The following PGAM1 variants were observed in gnomAD, a reference collection of about 807,000 sequenced individuals.
The protein encoded by PGAM1 is phosphoglycerate mutase 1, also known as BPG-dependent PGAM 1.
A neutral mutation model predicts 23.5 loss-of-function variants in PGAM1; 21 were observed. The observed-to-expected ratio is 0.89, with a 90% CI of 0.63 to 1.29. The LOEUF is 1.29. Ranked by LOEUF, PGAM1 falls within the 50% of genes most tolerant of loss-of-function variation. The pLI is 0.00. For synonymous variants in PGAM1, 109 were observed against 128.6 expected (o/e 0.85, Z 1.03); for missense variants, 232 against 336.3 (o/e 0.69, Z 2.42).
chr10:97,430,997 T>C lies in PGAM1; in HGVS notation c.457T>C (p.Cys153Arg), dbSNP rs752304415. 1.2e-6 allele frequency: 2 copies of C among 1,613,982 alleles called. No individual in the cohort carries two copies. Among genetic ancestry groups the C allele is most frequent in the Admixed American group, 1.7e-5 (1 of 60,014 alleles). The change falls in exon 3 of 4, where the codon TGT becomes CGT. Residue 153 changes from cysteine (C) to arginine (R), a missense_variant. Cys to Arg is a radical substitution (Grantham distance 180). Transcript: ENST00000334828. ...CCTCACAGAAGATCAGCTACCCTCC[T>C]GTGAGAGTCTGAAGGATACTATTGC... ...ADLTEDQLPS[C>R]ESLKDTIARA...
chr10:97,426,570 G>A lies in PGAM1; in HGVS notation c.139+124G>A, dbSNP rs908026585. ...GGGCAGCATCTCTCTTAACAGTTTA[G>A]TGTGTAGTTGAGAAGATGAGTGCAG... On this transcript the variant is annotated intron_variant, in intron 1 of 3. Transcript: ENST00000334828. The A allele has an allele frequency of 1.0e-5, 13 of 1,247,206 alleles. No individual in the cohort carries two copies. In the African/African-American group the frequency reaches 1.7e-4, roughly 16 times the overall value. The allele number at this position is 1,247,206 out of a possible 1,614,324, so 77.3% of individuals were successfully genotyped here.
intron 3 of PGAM1, among the ~76,000 whole-genome samples, chr10:97,431,577 T>G (rs11593125): frequency 1.3e-5 from 2 of 151,972 alleles, no homozygotes; most frequent in Non-Finnish European, 2.9e-5. Context: ...GCCAGGAGTT[T>G]GAGACAGCCT....
At chr10:97,427,667 C>T in intron 1 of PGAM1, 1 of 1,198,580 alleles carries the variant, frequency 8.3e-7, no homozygotes, top group South Asian at 1.5e-5. Flanking sequence ...GCTCCCGCCC[C>T]AGTCTGCTCT....
In PGAM1 at chr10:97,429,178, A is replaced by T. The variant is rs920672540; in HGVS notation, c.140-1201A>T. On this transcript the variant is annotated intron_variant, in intron 1 of 3. Transcript: ENST00000334828. ...GAGTGCAGTGGCGCGATCTCAGCTC[A>T]CTGCAAGCTCCGCCTCCCGGATTCA... is the stretch of plus-strand genomic sequence containing the variant. Among the ~76,000 whole-genome samples, 3 of 135,266 alleles carry T rather than the reference A, an allele frequency of 2.2e-5. No individual in the cohort carries two copies. The South Asian group carries it at 6.6e-4, about 30-fold the overall frequency. 88.7% of individuals were successfully genotyped at this position (135,266 alleles called of 152,430 possible).
rs1186267124 is a variant in PGAM1, at chr10:97,433,244, GGTGT to G, written c.*725_*728del. ...CCTCTGAGGGGCAGGAGTGCTTCCT[GGTGT>G]GTGTATTAGAATCCCTTCCTGCCTT... On this transcript the variant is annotated 3_prime_UTR_variant, in exon 4 of 4. Transcript: ENST00000334828. The G allele has an allele frequency of 1.3e-5, 2 of 150,968 alleles. No homozygotes were observed. The highest frequency in any genetic ancestry group is 2.4e-5 in the African/African-American group (1 of 40,886). The allele number at this position is 150,968 out of a possible 1,614,324, so 9.4% of individuals were successfully genotyped here. A position where few individuals can be genotyped will look rare whatever the true frequency, so the allele number is the denominator to read the frequency against.
intron 3 of PGAM1, 149 bp downstream of exon 3, chr10:97,431,284 C>T (rs975943074): frequency 1.0e-6 from 1 of 954,980 alleles, no homozygotes; most frequent in Middle Eastern, 3.0e-4. Context: ...AAAAAACACC[C>T]TCAACCCTTG....
rs1187368717 is a variant in PGAM1 at position 97,432,992 on chromosome 10, C to T, written c.*468C>T. On this transcript the variant is annotated 3_prime_UTR_variant, in exon 4 of 4. Transcript: ENST00000334828. ...TCCAGTGGAAGACGAATGTAACCTG[C>T]GTGGTGATGTGACAACTGTTTCCTC... The T allele has an allele frequency of 1.0e-3, 169 of 164,000 alleles. 1 individual carries two copies. Among genetic ancestry groups the T allele is most frequent in the Non-Finnish European group, 3.8e-4 (29 of 76,628 alleles). The allele number at this position is 164,000 out of a possible 1,614,324, so 10.2% of individuals were successfully genotyped here.
rs1233731324 is a variant in PGAM1 at position 97,430,571 on chromosome 10, AG to A, written c.334del (p.Val112Ter). On this transcript the variant is annotated frameshift_variant, in exon 2 of 4. Transcript: ENST00000334828. LOFTEE classifies it high-confidence loss of function. ...ACTGCTGCAAAGCATGGTGAGGCCC[AG>A]GTGAAGATCTGGAGGCGCTCCTATG... is the stretch of plus-strand genomic sequence containing the variant. Reference protein sequence around the residue: ...AETAAKHGEAQVKIWRRSYDV... With the variant: ...AETAAKHGEAXVKIWRRSYDV... 2 of 1,601,210 alleles carry A rather than the reference AG, an allele frequency of 1.2e-6. No individual in the cohort carries two copies. Among genetic ancestry groups the A allele is most frequent in the African/African-American group, 1.3e-5 (1 of 74,930 alleles).
At position 97,433,175 on chromosome 10, in the gene PGAM1, G is replaced by A. The variant is rs1845490541; in HGVS notation, c.*651G>A. The A allele has an allele frequency of 6.6e-6, 1 of 151,788 alleles. No individual in the cohort carries two copies. Among genetic ancestry groups the A allele is most frequent in the African/African-American group, 2.4e-5 (1 of 40,990 alleles). The allele number at this position is 151,788 out of a possible 1,614,324, so 9.4% of individuals were successfully genotyped here. On this transcript the variant is annotated 3_prime_UTR_variant, in exon 4 of 4. Transcript: ENST00000334828. The stretch of plus-strand genomic sequence containing the variant: ...GAAATAGTCCCACATGTGGTCATCA[G>A]AAAATAAGCCATTCCTCATACCAAT...
At chr10:97,428,334 T>C (rs1845433421) in intron 1 of PGAM1, among the ~76,000 whole-genome samples, 1 of 152,296 alleles carries the variant, frequency 6.6e-6, no homozygotes, top group Non-Finnish European at 1.5e-5. Context: ...TTGAATCTGA[T>C]TTCTGGAGAA....
chr10:97,426,539 C>T (rs1419819266), intron 1 of PGAM1, 93 bp downstream of exon 1: 8 of 1,406,492 alleles, frequency 5.7e-6, no homozygotes, highest in Non-Finnish European at 7.6e-6. Context: ...AGAGGGCCGG[C>T]ACCTTGGGCA....
rs1028730114 is a variant in PGAM1, at chr10:97,427,924, GTC to G, written c.139+1480_139+1481del. On this transcript the variant is annotated intron_variant, in intron 1 of 3. Transcript: ENST00000334828. Reference sequence around the variant, plus strand: ...CTCAAATGAAGCAAAACGCAGGACAGTCTGGTAAATGTAAACCTCTGCGGGGT... The same window carrying G: ...CTCAAATGAAGCAAAACGCAGGACAGTGGTAAATGTAAACCTCTGCGGGGT... 107 of 1,281,966 alleles carry G rather than the reference GTC, an allele frequency of 8.3e-5. 1 individual carries two copies. The highest frequency in any genetic ancestry group is 1.1e-4 in the Admixed American group (5 of 43,520). The allele number at this position is 1,281,966 out of a possible 1,614,324, so 79.4% of individuals were successfully genotyped here.
intron 1 of PGAM1, among the ~76,000 whole-genome samples, chr10:97,429,045 G>A (rs1318702127): frequency 2.0e-5 from 3 of 151,726 alleles, no homozygotes; most frequent in Non-Finnish European, 4.4e-5. Flanking sequence ...CCATTATGGT[G>A]GGAGGGTGAA....
Position 97,431,034 on chromosome 10 carries a change from C to T in PGAM1, c.494C>T (p.Pro165Leu). 6.2e-7 allele frequency: 1 copy of T among 1,613,968 alleles called. No individual in the cohort carries two copies. Among genetic ancestry groups the T allele is most frequent in the Non-Finnish European group, 8.5e-7 (1 of 1,179,922 alleles). Residue 165 changes from proline to leucine, a missense_variant, in exon 3 of 4, where the codon CCC (proline) becomes CTC (leucine). By Grantham distance (98) the Pro-to-Leu change is moderately conservative. Around this residue, in one of 3 missense-constraint regions of PGAM1, gnomAD observed 191 missense variants for 241.7 expected, o/e 0.79. Coordinates refer to ENST00000334828, the MANE Select transcript of PGAM1 (RefSeq NM_002629.4). ...AAGGATACTATTGCCAGAGCTCTGC[C>T]CTTCTGGAATGAAGAAATAGTTCCC... ...SLKDTIARALPFWNEEIVPQI... is the reference protein window; with the variant it reads ...SLKDTIARALLFWNEEIVPQI...
In PGAM1 at chr10:97,426,288, C is replaced by T. The variant is rs755491865; in HGVS notation, c.-20C>T. 17 of 1,609,786 alleles carry T rather than the reference C, an allele frequency of 1.1e-5. No individual in the cohort carries two copies. Among genetic ancestry groups the T allele is most frequent in the Middle Eastern group, 4.4e-4 (2 of 4,522 alleles). On this transcript the variant is annotated 5_prime_UTR_variant, in exon 1 of 4. Coordinates refer to ENST00000334828, the MANE Select transcript of PGAM1 (RefSeq NM_002629.4). ...GGAATCTGCTAATCCCAGTCGGTGC[C>T]GCATCCCCAGCCCGCCGCCATGGCC...
rs112918675 is a variant in PGAM1, at chr10:97,432,566, G to T, written c.*42G>T. The T allele has an allele frequency of 9.9e-5, 117 of 1,187,604 alleles. 1 individual carries two copies. The highest frequency in any genetic ancestry group is 9.8e-4 in the African/African-American group (65 of 66,280). 73.6% of individuals were successfully genotyped at this position (1,187,604 alleles called of 1,614,324 possible). On this transcript the variant is annotated 3_prime_UTR_variant, in exon 4 of 4. Transcript: ENST00000334828. ...TACTGTCCCCAGGAGCACCCTCCCT[G>T]CCCGTCTTGTCCCTCTGCCCCTCCC... is the stretch of plus-strand genomic sequence containing the variant.
intron 3 of PGAM1, among the ~76,000 whole-genome samples, chr10:97,431,889 TAAAAAAA>T (rs549613576): frequency 2.2e-4 from 31 of 141,752 alleles, no homozygotes; most frequent in African/African-American, 7.7e-4. Context: ...CCTTGTCTCT[TAAAAAAA>T]AAAAAAAGGA....
At chr10:97,426,608 A>T (rs937343090) in intron 1 of PGAM1, among the ~76,000 whole-genome samples, 162 bp downstream of exon 1, 2 of 152,240 alleles carry the variant, frequency 1.3e-5, no homozygotes, top group African/African-American at 4.8e-5. Flanking sequence ...GGTAGAGTCT[A>T]CTTGTTCAAG....
intron 1 of PGAM1, chr10:97,427,795 A>G (rs1262506204): frequency 7.8e-7 from 1 of 1,289,236 alleles, no homozygotes; most frequent in Non-Finnish European, 1.0e-6. Context: ...GCTCCCTTCT[A>G]ACCTCTGGAC....
Sources: gnomAD v4.1 joint callset for allele counts (sites outside exome capture counted in the v4.1 genomes callset) on GRCh38, gnomAD v4.1.1 for gene constraint, gnomAD v4.1.1 regional missense constraint, MANE v1.5 for transcripts, NCBI Gene and HGNC (gene_info 2026-07-23, HGNC 2026-07-21) for gene names.